The following FLNB variants were observed in gnomAD, a reference collection of about 807,000 sequenced individuals.
FLNB encodes filamin-B.
Under a neutral mutation model 250.6 loss-of-function variants are expected in FLNB, and 111 were observed. That is an observed-to-expected ratio of 0.44 (90% CI 0.38 to 0.52). The LOEUF (loss-of-function observed/expected upper bound fraction) is 0.52, where lower values mean the gene tolerates loss of function less well. Ranked by LOEUF, FLNB falls within the 20% of genes least tolerant of loss-of-function variation. The probability of loss-of-function intolerance (pLI) is 0.00; values close to 1 mark genes in which losing one functional copy is unlikely to be tolerated. For missense variants in FLNB, 2,869 were observed against 3,447.8 expected (o/e 0.83, Z 4.20); for synonymous variants, 1,302 against 1,372.1 (o/e 0.95, Z 1.13).
At chr3:58,025,142 T>TTG (rs1299905754) in intron 1 of FLNB, among the ~76,000 whole-genome samples, 1 of 147,646 alleles carries the variant, frequency 6.8e-6, no homozygotes, top group Non-Finnish European at 1.5e-5. Flanking sequence ...TCTTTTTTTT[T>TTG]TTTTTGAGAT....
At chr3:58,130,407 C>T (rs2097305085) in intron 24 of FLNB, among the ~76,000 whole-genome samples, 1 of 152,176 alleles carries the variant, frequency 6.6e-6, no homozygotes, top group South Asian at 2.1e-4. Context: ...GGTTAATTGC[C>T]TCCTGAGTGC....
In FLNB at chr3:58,143,562, G is replaced by A. The variant is rs940768096; in HGVS notation, c.5374G>A (p.Glu1792Lys). ...GGTCACTGTTAGATATGCCCCCACT[G>A]AGGTCGGGCTCCATGAGATGCACAT... ...GTVTVRYAPT[E>K]VGLHEMHIKY... Residue 1792 changes from glutamate (E) to lysine (K), a missense_variant, in exon 32 of 46, where the codon GAG becomes AAG. Transcript: ENST00000295956. 3 of 1,614,162 alleles carry A rather than the reference G, an allele frequency of 1.9e-6. No homozygotes were observed. The highest frequency in any genetic ancestry group is 2.5e-6 in the Non-Finnish European group (3 of 1,180,022).
chr3:58,100,373 A>AAAAAAATATATATATATATATATATATAT lies in FLNB; in HGVS notation c.1345+1466_1345+1467insAAAAATATATATATATATATATATATATA. On this transcript the variant is annotated intron_variant, in intron 8 of 45. Transcript: ENST00000295956. ...AATGATTTTACATATGTAAAAAAAA[A>AAAAAAATATATATATATATATATATATAT]ATATATATATATTTGCAGGGGCGCG... 8.1e-4 allele frequency among the ~76,000 whole-genome samples: 84 copies of AAAAAAATATATATATATATATATATATAT among 104,334 alleles called. 4 individuals are homozygous for AAAAAAATATATATATATATATATATATAT. The highest frequency in any genetic ancestry group is 2.8e-3 in the African/African-American group (61 of 21,902). The allele number at this position is 104,334 out of a possible 152,430, so 68.4% of individuals were successfully genotyped here. A position where few individuals can be genotyped will look rare whatever the true frequency, so the allele number is the denominator to read the frequency against.
chr3:58,040,466 GT>G (rs2097144569), intron 1 of FLNB, among the ~76,000 whole-genome samples: 2 of 152,178 alleles, frequency 1.3e-5, no homozygotes, highest in South Asian at 4.1e-4. Context: ...CTGACAGGGT[GT>G]AAAGGGTAGG....
intron 1 of FLNB, among the ~76,000 whole-genome samples, chr3:58,058,292 C>T (rs544976211): frequency 6.6e-6 from 1 of 152,304 alleles, no homozygotes; most frequent in African/African-American, 2.4e-5. Context: ...GCTGGAGGTT[C>T]TGAAGGTTTC....
chr3:58,121,623 C>A, intron 20 of FLNB, 120 bp downstream of exon 20: 1 of 1,319,648 alleles, frequency 7.6e-7, no homozygotes, highest in Non-Finnish European at 1.1e-6. Flanking sequence ...AAAGTTAGCA[C>A]AATTCACTGT....
chr3:58,171,561 C>T lies in FLNB; in HGVS notation c.*799C>T, dbSNP rs1170168416. Reference sequence around the variant, plus strand: ...AGCAGTTTCCCACTTGCCAAAGATCCCTTTTAACCAACACTAGCCCTTGTT... The same window carrying T: ...AGCAGTTTCCCACTTGCCAAAGATCTCTTTTAACCAACACTAGCCCTTGTT... On this transcript the variant is annotated 3_prime_UTR_variant, in exon 46 of 46. Coordinates refer to ENST00000295956, the MANE Select transcript of FLNB (RefSeq NM_001457.4). This position sits in a 1 kb window ranked among gnomAD's most constrained non-coding sequence, Gnocchi z 5.5. 2 of 152,258 alleles carry T rather than the reference C, an allele frequency of 1.3e-5. No individual in the cohort carries two copies. The highest frequency in any genetic ancestry group is 1.3e-4 in the Admixed American group (2 of 15,272). 9.4% of individuals were successfully genotyped at this position (152,258 alleles called of 1,614,324 possible). A position where few individuals can be genotyped will look rare whatever the true frequency, so the allele number is the denominator to read the frequency against.
intron 1 of FLNB, among the ~76,000 whole-genome samples, chr3:58,034,092 C>T (rs1203844171): frequency 6.6e-6 from 1 of 152,136 alleles, no homozygotes; most frequent in Non-Finnish European, 1.5e-5. Flanking sequence ...AACTCCTGAC[C>T]TTAGGCGATC....
intron 11 of FLNB, 107 bp downstream of exon 11, chr3:58,105,323 G>T: frequency 3.4e-6 from 5 of 1,453,846 alleles, no homozygotes; most frequent in Non-Finnish European, 4.8e-6. Context: ...AATACCTTTA[G>T]CTTCCTGGCC....
chr3:58,162,276 TAGG>T (rs1165124946), intron 42 of FLNB, among the ~76,000 whole-genome samples: 14 of 151,232 alleles, frequency 9.3e-5, no homozygotes, highest in Non-Finnish European at 1.5e-4. Context: ...CCTGGAGAGG[TAGG>T]AGGAGAACAG....
At chr3:58,027,980 A>G (rs904891005) in intron 1 of FLNB, among the ~76,000 whole-genome samples, 1 of 152,238 alleles carries the variant, frequency 6.6e-6, no homozygotes, top group Non-Finnish European at 1.5e-5. Context: ...GAAATTAGCA[A>G]GAGATGGAGA....
intron 1 of FLNB, among the ~76,000 whole-genome samples, chr3:58,026,827 C>T (rs1216048685): frequency 6.6e-6 from 1 of 152,190 alleles, no homozygotes; most frequent in East Asian, 1.9e-4. Context: ...AGCCAGGGAA[C>T]GCCCAACACC....
At position 58,113,664 on chromosome 3, in the gene FLNB, C is replaced by G. The variant is rs556892046; in HGVS notation, c.2745+1346C>G. On this transcript the variant is annotated intron_variant, in intron 18 of 45. Coordinates refer to ENST00000295956, the MANE Select transcript of FLNB (RefSeq NM_001457.4). ...GGCTTGCTGCTGTTTGTGCTTTCTT[C>G]CCCAAATTTTTATTTTTATTTATTT... Among the ~76,000 whole-genome samples, 98 of 152,232 alleles carry G rather than the reference C, an allele frequency of 6.4e-4. 2 individuals carry two copies. The highest frequency in any genetic ancestry group is 4.8e-3 in the South Asian group (23 of 4,820).
intron 26 of FLNB, among the ~76,000 whole-genome samples, chr3:58,133,744 A>G (rs1337388849): frequency 6.6e-6 from 1 of 152,136 alleles, no homozygotes; most frequent in African/African-American, 2.4e-5. Context: ...CATGCCCCTT[A>G]AGATGAAAAA....
rs140925269 is a variant in FLNB at position 58,146,541 on chromosome 3, G to A, written c.5555-279G>A. On this transcript the variant is annotated intron_variant, in intron 33 of 45. Coordinates refer to ENST00000295956, the MANE Select transcript of FLNB (RefSeq NM_001457.4). ...TCTCCTATGTGTAATTGATGTACAC[G>A]GCTCCTTCCTTTTCTCATCCCATGC... is the stretch of plus-strand genomic sequence containing the variant. 5,312 of 465,326 alleles carry A rather than the reference G, an allele frequency of 0.011. 39 individuals are homozygous for A. The highest frequency in any genetic ancestry group is 0.015 in the Non-Finnish European group (3,716 of 252,914). 28.8% of individuals were successfully genotyped at this position (465,326 alleles called of 1,614,324 possible).
intron 33 of FLNB, 99 bp from the exon 34 acceptor site, chr3:58,146,721 C>A: frequency 7.8e-7 from 1 of 1,275,222 alleles, no homozygotes; most frequent in Non-Finnish European, 1.1e-6. Context: ...ATCCATTGTC[C>A]CCAGCATCAG....
chr3:58,035,305 GCTGT>G (rs779604441), intron 1 of FLNB, among the ~76,000 whole-genome samples: 4 of 152,168 alleles, frequency 2.6e-5, no homozygotes, highest in Non-Finnish European at 5.9e-5. Flanking sequence ...TTTCTTTTAA[GCTGT>G]CTATGTAATT....
intron 1 of FLNB, among the ~76,000 whole-genome samples, chr3:58,038,499 C>T (rs1191372896): frequency 6.6e-6 from 1 of 151,410 alleles, no homozygotes; most frequent in Admixed American, 6.6e-5. Flanking sequence ...AGTACGACCA[C>T]TATAACCTCA....
intron 1 of FLNB, 64 bp downstream of exon 1, chr3:58,008,920 C>T: frequency 6.3e-7 from 1 of 1,586,222 alleles, no homozygotes; most frequent in South Asian, 1.1e-5. Context: ...GCGTGCACCC[C>T]TGCGGAGGGC....
Sources: allele counts gnomAD v4.1 joint callset (sites outside exome capture counted in the v4.1 genomes callset), GRCh38; gene constraint gnomAD v4.1.1; non-coding constraint Gnocchi (gnomAD v3.1); transcripts MANE v1.5; gene names NCBI Gene and HGNC (gene_info 2026-07-23, HGNC 2026-07-21).